Variants in RB1 observed in about 807,000 individuals in gnomAD.
RB1 encodes retinoblastoma-associated protein.
RB1 carries 18 observed loss-of-function variants against 135.4 expected under a neutral mutation model. The observed-to-expected ratio is 0.13, with a 90% CI of 0.09 to 0.20. RB1 has a LOEUF of 0.20. RB1 is among the 10% of genes least tolerant of loss of function. RB1 has a pLI of 1.00. For synonymous variants in RB1, 365 were observed against 373.2 expected (o/e 0.98, Z 0.25); for missense variants, 868 against 1,110.0 (o/e 0.78, Z 3.10).
intron 17 of RB1, among the ~76,000 whole-genome samples, chr13:48,403,998 C>T (rs1193200761): frequency 1.3e-5 from 2 of 152,028 alleles, no homozygotes; most frequent in Non-Finnish European, 2.9e-5. Context: ...GAGACACTGT[C>T]TCAAAGAAAA....
chr13:48,383,479 AGTG>A (rs1948552035), intron 17 of RB1, among the ~76,000 whole-genome samples: 1 of 152,254 alleles, frequency 6.6e-6, no homozygotes, highest in South Asian at 2.1e-4. Flanking sequence ...AGTATATAGA[AGTG>A]GTAATTAAAA....
At chr13:48,379,462 A>T (rs1410632319) in intron 13 of RB1, 132 bp from the exon 14 acceptor site, 1 of 1,177,724 alleles carries the variant, frequency 8.5e-7, no homozygotes, top group Non-Finnish European at 1.2e-6. Flanking sequence ...AAGCAGGAGG[A>T]TCTCTTGAGC....
At chr13:48,368,408 T>C in intron 10 of RB1, 119 bp from the exon 11 acceptor site, 2 of 1,315,932 alleles carry the variant, frequency 1.5e-6, no homozygotes, top group Non-Finnish European at 2.1e-6. Flanking sequence ...CTATCTATTA[T>C]TGAGTTATCA....
chr13:48,447,808 G>T (rs1030285608), intron 17 of RB1, among the ~76,000 whole-genome samples: 1 of 152,082 alleles, frequency 6.6e-6, no homozygotes, highest in African/African-American at 2.4e-5. Context: ...TGACCATTTG[G>T]TTTGGGGTGA....
intron 17 of RB1, among the ~76,000 whole-genome samples, chr13:48,394,465 C>A (rs111534561): frequency 1.3e-5 from 2 of 152,190 alleles, no homozygotes; most frequent in Non-Finnish European, 2.9e-5. Flanking sequence ...CTCAGCGGAT[C>A]CCACCCCCAT....
At chr13:48,360,334 T>C in intron 7 of RB1, 4 of 1,113,172 alleles carry the variant, frequency 3.6e-6, no homozygotes, top group Non-Finnish European at 4.8e-6. Context: ...GTGGTTTGGG[T>C]CAAAATACAA....
chr13:48,409,512 A>G (rs1473872986), intron 17 of RB1, among the ~76,000 whole-genome samples: 2 of 149,212 alleles, frequency 1.3e-5, no homozygotes, highest in Non-Finnish European at 3.0e-5. Context: ...ATTTAATTAC[A>G]TGTCCTTTTC....
At chr13:48,439,466 G>A (rs1318963356) in intron 17 of RB1, 1 of 152,148 alleles carries the variant, frequency 6.6e-6, no homozygotes, top group Non-Finnish European at 1.5e-5. Flanking sequence ...ATGATAGAAA[G>A]ATTACGGTTG....
Position 48,313,842 on chromosome 13 carries a change from G to A in RB1, c.264+6436G>A, listed in dbSNP as rs763938250. ...CGGCTTCCTGCAAGCTCCGCCTCCC[G>A]GGTTCATGCCATTCTCCTGCCTCAG... On this transcript the variant is annotated intron_variant, in intron 2 of 26. Transcript: ENST00000267163. Among the ~76,000 whole-genome samples the A allele has an allele frequency of 7.4e-5, 10 of 135,806 alleles. No individual in the cohort carries two copies. The East Asian group carries it at 9.7e-4, about 13-fold the overall frequency. 89.1% of individuals were successfully genotyped at this position (135,806 alleles called of 152,430 possible). A position where few individuals can be genotyped will look rare whatever the true frequency, so the allele number is the denominator to read the frequency against.
intron 6 of RB1, among the ~76,000 whole-genome samples, chr13:48,351,132 T>G (rs996679600): frequency 7.9e-5 from 12 of 152,186 alleles, no homozygotes; most frequent in African/African-American, 2.4e-4. Context: ...GTAGTTCTGC[T>G]TTTAGCTCTT....
At chr13:48,371,167 T>C (rs1205802924) in intron 11 of RB1, among the ~76,000 whole-genome samples, 1 of 152,180 alleles carries the variant, frequency 6.6e-6, no homozygotes, top group Non-Finnish European at 1.5e-5. Context: ...GAGTGTAGCA[T>C]GTGCATGATA....
At position 48,377,057 on chromosome 13, in the gene RB1, C is replaced by T. The variant is rs374788486; in HGVS notation, c.1332+23C>T. 44 of 1,596,872 alleles carry T rather than the reference C, an allele frequency of 2.8e-5. No homozygotes were observed. In the African/African-American group the frequency reaches 4.4e-4, roughly 16 times the overall value. On this transcript the variant is annotated intron_variant, in intron 13 of 26. Transcript: ENST00000267163. ...CAGGTAACTTGAATTCATTGTAATT[C>T]GTGGTACTATAGAGTAATAATATTA...
chr13:48,356,242 A>G (rs527962704), intron 6 of RB1, among the ~76,000 whole-genome samples: 6 of 152,168 alleles, frequency 3.9e-5, no homozygotes, highest in Admixed American at 3.9e-4. Flanking sequence ...CATTCCAGAT[A>G]TCTTCATATA....
At chr13:48,348,872 A>G in intron 5 of RB1, 84 bp from the exon 6 acceptor site, 2 of 1,498,350 alleles carry the variant, frequency 1.3e-6, no homozygotes, top group Non-Finnish European at 1.8e-6. Flanking sequence ...GCACAAAAAG[A>G]AACACCCAAA....
chr13:48,388,446 A>G (rs1349212310), intron 17 of RB1, among the ~76,000 whole-genome samples: 1 of 152,198 alleles, frequency 6.6e-6, no homozygotes, highest in Non-Finnish European at 1.5e-5. Flanking sequence ...ATGGACCATA[A>G]AAAATGCCAC....
intron 16 of RB1, 92 bp from the exon 17 acceptor site, chr13:48,381,155 A>G: frequency 2.7e-6 from 4 of 1,475,896 alleles, no homozygotes; most frequent in African/African-American, 1.4e-5. Flanking sequence ...TAACCTTTCT[A>G]CTGTTTTCTT....
intron 17 of RB1, among the ~76,000 whole-genome samples, chr13:48,385,364 G>A (rs1566200967): frequency 6.6e-6 from 1 of 152,256 alleles, no homozygotes; most frequent in East Asian, 1.9e-4. Context: ...TACCTGTTTG[G>A]AATACAAAAA....
At position 48,419,551 on chromosome 13, in the gene RB1, G is replaced by A. The variant is rs116496982; in HGVS notation, c.1696-33442G>A. 1.0e-2 allele frequency among the ~76,000 whole-genome samples: 1,520 copies of A among 152,206 alleles called. 36 individuals carry two copies. The highest frequency in any genetic ancestry group is 0.035 in the African/African-American group (1,442 of 41,528). ...TAACCAAGGTCAGAGAAGAACTGAA[G>A]GAGAGAGAAACACGAAAAACCCTTC... On this transcript the variant is annotated intron_variant, in intron 17 of 26. Coordinates refer to ENST00000267163, the MANE Select transcript of RB1 (RefSeq NM_000321.3).
chr13:48,345,179 A>C lies in RB1; in HGVS notation c.480A>C (p.Ala160=), dbSNP rs776484051. The C allele has an allele frequency of 1.2e-6, 2 of 1,612,468 alleles. No individual in the cohort carries two copies. Among genetic ancestry groups the C allele is most frequent in the Non-Finnish European group, 1.7e-6 (2 of 1,179,468 alleles). Reference sequence around the variant, plus strand: ...TGAAGAAGTATGATGTATTGTTTGCACTCTTCAGCAAATTGGAAAGGTAAA... The same window carrying C: ...TGAAGAAGTATGATGTATTGTTTGCCCTCTTCAGCAAATTGGAAAGGTAAA... ...RLLKKYDVLF[A]LFSKLERTCE... is the part of the protein sequence containing the mutation. The change falls in exon 4 of 27, where the codon GCA becomes GCC. Residue 160 remains alanine, a synonymous_variant. Coordinates refer to ENST00000267163, the MANE Select transcript of RB1 (RefSeq NM_000321.3).
Sources: gnomAD v4.1 joint callset for allele counts (sites outside exome capture counted in the v4.1 genomes callset) on GRCh38, gnomAD v4.1.1 for gene constraint, MANE v1.5 for transcripts, NCBI Gene and HGNC (gene_info 2026-07-23, HGNC 2026-07-21) for gene names.